The following BRINP3 variants were observed in gnomAD, a reference collection of about 807,000 sequenced individuals.
The protein encoded by BRINP3 is BMP/retinoic acid-inducible neural-specific protein 3.
A neutral mutation model predicts 71.0 loss-of-function variants in BRINP3; 19 were observed. That is an observed-to-expected ratio of 0.27 (90% CI 0.19 to 0.39). The LOEUF is 0.39. BRINP3 is among the 10% of genes least tolerant of loss of function. The probability of loss-of-function intolerance (pLI) is 1.00; values close to 1 mark genes in which losing one functional copy is unlikely to be tolerated. For synonymous variants in BRINP3, 380 were observed against 337.7 expected (o/e 1.13, Z -1.37); for missense variants, 959 against 940.8 (o/e 1.02, Z -0.25).
intron 7 of BRINP3, among the ~76,000 whole-genome samples, chr1:190,111,149 G>GC (rs1652636319): frequency 7.8e-6 from 1 of 128,718 alleles, no homozygotes; most frequent in Non-Finnish European, 1.6e-5. Context: ...CTGCACTCCA[G>GC]CCGGGAGCCT....
chr1:190,291,902 T>C (rs1479101542), intron 2 of BRINP3, among the ~76,000 whole-genome samples: 2 of 152,232 alleles, frequency 1.3e-5, no homozygotes, highest in East Asian at 3.9e-4. Flanking sequence ...CTGTGACCAT[T>C]GGTGAAAGAA....
At chr1:190,196,102 T>C (rs1310634474) in intron 6 of BRINP3, among the ~76,000 whole-genome samples, 5 of 152,132 alleles carry the variant, frequency 3.3e-5, no homozygotes, top group Non-Finnish European at 5.9e-5. Context: ...GATTTATAAG[T>C]GTTACAGTTT....
chr1:190,148,166 T>A (rs1439058129), intron 7 of BRINP3, among the ~76,000 whole-genome samples: 1 of 152,176 alleles, frequency 6.6e-6, no homozygotes, highest in Non-Finnish European at 1.5e-5. Flanking sequence ...TCTTTTTTCA[T>A]CCAATTTCAA....
chr1:190,476,618 C>T (rs1419264088), intron 1 of BRINP3, among the ~76,000 whole-genome samples: 1 of 152,112 alleles, frequency 6.6e-6, no homozygotes, highest in South Asian at 2.1e-4. Context: ...TGGGGGCAGA[C>T]AAGTATGAAG....
At chr1:190,132,979 G>C (rs1236035786) in intron 7 of BRINP3, among the ~76,000 whole-genome samples, 1 of 152,050 alleles carries the variant, frequency 6.6e-6, no homozygotes, top group Non-Finnish European at 1.5e-5. Flanking sequence ...AGTCATGCTA[G>C]TGAGCCATCT....
intron 6 of BRINP3, among the ~76,000 whole-genome samples, chr1:190,168,904 C>A (rs147435723): frequency 2.2e-3 from 330 of 152,274 alleles, no homozygotes; most frequent in African/African-American, 7.5e-3. Context: ...TTCTCTATAA[C>A]TGTAAACAGA....
chr1:190,417,338 A>G (rs901017718), intron 2 of BRINP3, among the ~76,000 whole-genome samples: 4 of 152,128 alleles, frequency 2.6e-5, no homozygotes, highest in African/African-American at 7.2e-5. Context: ...ACAGAAATAC[A>G]TATTTTGTGC....
At chr1:190,171,295 A>T (rs1187007131) in intron 6 of BRINP3, among the ~76,000 whole-genome samples, 1 of 152,178 alleles carries the variant, frequency 6.6e-6, no homozygotes, top group African/African-American at 2.4e-5. Flanking sequence ...AGCCAACAGT[A>T]TGTTGATCAA....
At chr1:190,412,392 A>AT (rs1462228113) in intron 2 of BRINP3, among the ~76,000 whole-genome samples, 19 of 66,858 alleles carry the variant, frequency 2.8e-4, no homozygotes, top group Admixed American at 3.4e-4. Context: ...AGATATATAT[A>AT]TATTATATAT....
At chr1:190,122,001 T>C (rs1413947686) in intron 7 of BRINP3, among the ~76,000 whole-genome samples, 2 of 152,154 alleles carry the variant, frequency 1.3e-5, no homozygotes, top group African/African-American at 4.8e-5. Context: ...AGAGCAATAT[T>C]ACTGTGAAGA....
intron 2 of BRINP3, among the ~76,000 whole-genome samples, chr1:190,412,012 T>C (rs941067383): frequency 5.3e-5 from 8 of 152,146 alleles, no homozygotes; most frequent in Non-Finnish European, 1.2e-4. Flanking sequence ...CTCAGGCCAC[T>C]ACTTACTGTA....
At chr1:190,348,665 T>C (rs1668177640) in intron 2 of BRINP3, among the ~76,000 whole-genome samples, 1 of 152,134 alleles carries the variant, frequency 6.6e-6, no homozygotes, top group African/African-American at 2.4e-5. Flanking sequence ...TTTTACATCT[T>C]CCAAAGAGTC....
At chr1:190,105,793 G>A (rs1186204815) in intron 7 of BRINP3, among the ~76,000 whole-genome samples, 1 of 151,718 alleles carries the variant, frequency 6.6e-6, no homozygotes, top group Non-Finnish European at 1.5e-5. Context: ...GCATAATATA[G>A]TTCAAAAAAA....
intron 2 of BRINP3, among the ~76,000 whole-genome samples, chr1:190,353,708 T>C (rs913714188): frequency 3.3e-5 from 5 of 151,942 alleles, no homozygotes; most frequent in African/African-American, 1.2e-4. Context: ...TTAGTAATCC[T>C]TCCCAGAAAC....
intron 2 of BRINP3, among the ~76,000 whole-genome samples, chr1:190,418,384 T>C (rs1056369727): frequency 4.6e-5 from 7 of 152,278 alleles, no homozygotes; most frequent in African/African-American, 1.4e-4. Flanking sequence ...TGTTAGTCAA[T>C]GTCACATTAC....
chr1:190,115,516 T>C (rs1653055351), intron 7 of BRINP3, among the ~76,000 whole-genome samples: 1 of 152,246 alleles, frequency 6.6e-6, no homozygotes, highest in Admixed American at 6.5e-5. Context: ...AATTGACAAA[T>C]ATTTCTACGT....
chr1:190,316,205 A>T (rs1376155508), intron 2 of BRINP3, among the ~76,000 whole-genome samples: 1 of 152,142 alleles, frequency 6.6e-6, no homozygotes, highest in Non-Finnish European at 1.5e-5. Context: ...TTTGTTACTG[A>T]AACTTCGTGG....
intron 6 of BRINP3, among the ~76,000 whole-genome samples, chr1:190,203,781 ATATATATATATATATATATAT>A (rs1457956421): frequency 1.0e-5 from 1 of 98,216 alleles, no homozygotes; most frequent in Admixed American, 1.0e-4. Context: ...ATATATATAT[ATATATATATATATATATATAT>A]ATATATATAT....
intron 2 of BRINP3, among the ~76,000 whole-genome samples, chr1:190,446,346 G>T (rs1205057779): frequency 2.0e-5 from 3 of 151,942 alleles, no homozygotes. Flanking sequence ...TGCACCAAGT[G>T]TGTTAACAGT....
Sources: allele counts gnomAD v4.1 joint callset (sites outside exome capture counted in the v4.1 genomes callset), GRCh38; gene constraint gnomAD v4.1.1; transcripts MANE v1.5; gene names NCBI Gene and HGNC (gene_info 2026-07-23, HGNC 2026-07-21).